RTN4: variants seen among roughly 807,000 people sequenced by gnomAD.
The protein encoded by RTN4 is reticulon-4.
In RTN4, 32 loss-of-function variants were observed where a neutral mutation model predicts 90.4. That is an observed-to-expected ratio of 0.35 (90% CI 0.27 to 0.48). RTN4 has a LOEUF of 0.48. Among genes scored for constraint, RTN4 ranks in the 20% least tolerant of loss-of-function variants. The pLI, the probability that RTN4 is intolerant of heterozygous loss-of-function variation, is 0.99. For missense variants in RTN4, 1,706 were observed against 1,430.2 expected (o/e 1.19, Z -3.11); for synonymous variants, 629 against 552.5 (o/e 1.14, Z -1.94).
rs763597579 is a variant in RTN4 at position 55,026,106 on chromosome 2, C to T, written c.1993G>A (p.Val665Ile). Reference protein sequence around the residue: ...NPPPYEEAMSVSLKKVSGIKE... With the variant: ...NPPPYEEAMSISLKKVSGIKE... ...ATTCCTGATACTTTTTTTAGTGATA[C>T]ACTCATGGCCTCTTCATATGGTGGG... is the stretch of plus-strand genomic sequence containing the variant. The change falls in exon 3 of 9, where the codon GTA (valine) becomes ATA (isoleucine). Residue 665 changes from valine to isoleucine, a missense_variant. Val to Ile is a conservative substitution (Grantham distance 29, BLOSUM62 3). Coordinates refer to ENST00000337526, the MANE Select transcript of RTN4 (RefSeq NM_020532.5). 3.7e-6 allele frequency: 6 copies of T among 1,612,448 alleles called. No homozygotes were observed. The Admixed American group carries it at 6.7e-5, about 18-fold the overall frequency.
intron 1 of RTN4, among the ~76,000 whole-genome samples, chr2:55,033,162 C>T (rs1187779191): frequency 6.6e-6 from 1 of 151,298 alleles, no homozygotes; most frequent in Admixed American, 6.6e-5. Flanking sequence ...ATAAACACAA[C>T]ACCACAAAAA....
chr2:55,030,133 T>C (rs1682197862), intron 1 of RTN4, among the ~76,000 whole-genome samples: 1 of 152,146 alleles, frequency 6.6e-6, no homozygotes, highest in African/African-American at 2.4e-5. Context: ...ACTAGAAACA[T>C]ATATTACTGT....
chr2:55,004,777 G>C (rs2104763550), intron 3 of RTN4, among the ~76,000 whole-genome samples: 1 of 152,126 alleles, frequency 6.6e-6, no homozygotes, highest in South Asian at 2.1e-4. Flanking sequence ...TTGGAGGCTG[G>C]AAAAAGAGCC....
chr2:55,109,086 C>T (rs537360271), intron 1 of RTN4, among the ~76,000 whole-genome samples: 1 of 152,164 alleles, frequency 6.6e-6, no homozygotes, highest in South Asian at 2.1e-4. Flanking sequence ...TAAACACACA[C>T]ACTTTTGAAA....
the RTN4 span, among the ~76,000 whole-genome samples, chr2:55,119,634 T>A: frequency 6.6e-6 from 1 of 152,338 alleles, no homozygotes; most frequent in South Asian, 2.1e-4. Context: ...GAATCTCGCT[T>A]AGCCATAGTG....
chr2:55,007,534 T>C (rs1394593366), intron 3 of RTN4, among the ~76,000 whole-genome samples: 2 of 151,970 alleles, frequency 1.3e-5, no homozygotes, highest in Non-Finnish European at 2.9e-5. Context: ...AATGAGGAAA[T>C]TAAAACCAAA....
upstream of RTN4, among the ~76,000 whole-genome samples, chr2:55,054,730 A>G (rs1668159261): frequency 6.6e-6 from 1 of 152,206 alleles, no homozygotes; most frequent in Admixed American, 6.5e-5. Flanking sequence ...TCTGAAAATG[A>G]CTTGCCTGTG....
In RTN4 at chr2:55,050,271, G is replaced by C; in HGVS notation, c.30C>G (p.Val10=). The C allele has an allele frequency of 1.3e-6, 2 of 1,494,632 alleles. No homozygotes were observed. Among genetic ancestry groups the C allele is most frequent in the Non-Finnish European group, 1.8e-6 (2 of 1,122,268 alleles). The allele number at this position is 1,494,632 out of a possible 1,614,324, so 92.6% of individuals were successfully genotyped here. The part of the protein sequence containing the change: MEDLDQSPL[V]SSSDSPPRPQ... The stretch of plus-strand genomic sequence containing the variant: ...GCCGGGGTGGGCTGTCCGAGGACGA[G>C]ACCAGAGGAGACTGGTCCAGGTCTT... Residue 10 remains valine, a synonymous_variant, in exon 1 of 9, where the codon GTC becomes GTG. Coordinates refer to ENST00000337526, the MANE Select transcript of RTN4 (RefSeq NM_020532.5). The surrounding 1 kb of genome is among the most constrained non-coding windows in gnomAD (Gnocchi z 4.6).
the RTN4 span, among the ~76,000 whole-genome samples, chr2:55,133,008 T>C: frequency 6.6e-6 from 1 of 151,734 alleles, no homozygotes; most frequent in African/African-American, 2.4e-5. Context: ...AGCCAGGAGT[T>C]CAAGATCATC....
At position 54,981,664 on chromosome 2, in the gene RTN4, G is replaced by C. The variant is rs116630214; in HGVS notation, c.3360+851C>G. Among the ~76,000 whole-genome samples the C allele has an allele frequency of 1.6e-3, 242 of 152,306 alleles. 2 individuals are homozygous for C. Among genetic ancestry groups the C allele is most frequent in the African/African-American group, 5.3e-3 (222 of 41,566 alleles). On this transcript the variant is annotated intron_variant, in intron 5 of 8. Coordinates refer to ENST00000337526, the MANE Select transcript of RTN4 (RefSeq NM_020532.5). ...AACTTTGGGAGAGTTTATTTGCAAG[G>C]TGAGACTCTTAACAGCTGCTTATGT...
rs574312829 is a variant in RTN4, at chr2:55,075,038, C to T, written c.-63+5451G>A. Among the ~76,000 whole-genome samples the T allele has an allele frequency of 2.2e-4, 34 of 152,328 alleles. No homozygotes were observed. The East Asian group carries it at 6.5e-3, about 29-fold the overall frequency. ...GGAACAAGACAAGGATGCCCTCTTT[C>T]ACCACTTGTGTTCAACATAGTACTA... On this transcript the variant is annotated intron_variant, in intron 2 of 3. Transcript: ENST00000427710.
rs751954037 is a variant in RTN4, at chr2:55,026,976, C to A, written c.1123G>T (p.Ala375Ser). The A allele has an allele frequency of 2.5e-6, 4 of 1,613,380 alleles. No individual in the cohort carries two copies. Among genetic ancestry groups the A allele is most frequent in the Non-Finnish European group, 3.4e-6 (4 of 1,179,884 alleles). Residue 375 changes from alanine (A) to serine (S), a missense_variant, in exon 3 of 9, where the codon GCA becomes TCA. Ala to Ser is a moderately conservative substitution (Grantham distance 99, BLOSUM62 1). Transcript: ENST00000337526. Reference sequence around the variant, plus strand: ...TCCTCCCTCATAGGAGCTTCCACTGCAACTCTCTTTTCATTAAAACTGTCT... The same window carrying A: ...TCCTCCCTCATAGGAGCTTCCACTGAAACTCTCTTTTCATTAAAACTGTCT... Reference protein sequence around the residue: ...AKDSFNEKRVAVEAPMREEYA... With the variant: ...AKDSFNEKRVSVEAPMREEYA...
At chr2:55,120,330 G>A in the RTN4 span, among the ~76,000 whole-genome samples, 10 of 152,294 alleles carry the variant, frequency 6.6e-5, no homozygotes, top group Non-Finnish European at 1.0e-4. Context: ...GCTCACCAGG[G>A]TGGGCACAGA....
intron 1 of RTN4, among the ~76,000 whole-genome samples, chr2:55,037,298 T>A (rs565637389): frequency 5.9e-5 from 9 of 152,238 alleles, no homozygotes; most frequent in South Asian, 2.1e-4. Context: ...CAGGAAACAG[T>A]TCTCTATGAG....
chr2:55,011,909 C>T (rs1680672069), intron 3 of RTN4, among the ~76,000 whole-genome samples: 1 of 152,148 alleles, frequency 6.6e-6, no homozygotes, highest in African/African-American at 2.4e-5. Flanking sequence ...TGAACCCCTG[C>T]ATAATGTGAT....
At chr2:55,080,229 G>A (rs995150452) in intron 2 of RTN4, among the ~76,000 whole-genome samples, 1 of 151,824 alleles carries the variant, frequency 6.6e-6, no homozygotes, top group African/African-American at 2.4e-5. Context: ...TGTCACCCAC[G>A]CTGGTCTTGA....
chr2:55,063,643 G>C (rs1294168183), intron 2 of RTN4, among the ~76,000 whole-genome samples: 1 of 152,062 alleles, frequency 6.6e-6, no homozygotes, highest in Non-Finnish European at 1.5e-5. Context: ...CACTCTGGGA[G>C]GCCAAGGTGG....
intron 2 of RTN4, among the ~76,000 whole-genome samples, chr2:55,076,090 A>T (rs2105022967): frequency 6.6e-6 from 1 of 152,328 alleles, no homozygotes; most frequent in South Asian, 2.1e-4. Context: ...GGACTTAATT[A>T]AATTTAAAAA....
At chr2:55,082,851 G>A (rs921256480) in intron 1 of RTN4, among the ~76,000 whole-genome samples, 6 of 152,018 alleles carry the variant, frequency 3.9e-5, no homozygotes, top group Non-Finnish European at 7.4e-5. Context: ...ACATTAAAGC[G>A]GTTGAGTAAT....
Sources: allele counts gnomAD v4.1 joint callset (sites outside exome capture counted in the v4.1 genomes callset), GRCh38; gene constraint gnomAD v4.1.1; non-coding constraint Gnocchi (gnomAD v3.1); transcripts MANE v1.5; gene names NCBI Gene and HGNC (gene_info 2026-07-23, HGNC 2026-07-21).